Variants in UBE2J2 observed in about 807,000 individuals in gnomAD.
The protein encoded by UBE2J2 is ubiquitin conjugating enzyme E2 J2.
UBE2J2 carries 5 observed loss-of-function variants against 28.6 expected under a neutral mutation model. That is an observed-to-expected ratio of 0.17 (90% CI 0.09 to 0.37). The LOEUF (loss-of-function observed/expected upper bound fraction) is 0.37. UBE2J2 is among the 10% of genes least tolerant of loss of function. The pLI, the probability that UBE2J2 is intolerant of heterozygous loss-of-function variation, is 1.00. For missense variants in UBE2J2, 226 were observed against 338.9 expected, an observed-to-expected ratio of 0.67 and a Z score of 2.62; for synonymous variants, 138 against 139.7, an observed-to-expected ratio of 0.99 and a Z score of 0.09.
intron 2 of UBE2J2, among the ~76,000 whole-genome samples, chr1:1,264,084 A>C (rs555322392): frequency 2.0e-5 from 3 of 152,282 alleles, no homozygotes; most frequent in Admixed American, 6.5e-5. Context: ...TAAACAGAAC[A>C]CAGCTAGTGA....
Position 1,255,330 on chromosome 1 carries a change from C to A in UBE2J2, c.653G>T (p.Gly218Val). 1 of 1,613,742 alleles carries A rather than the reference C, an allele frequency of 6.2e-7. No homozygotes were observed. Among genetic ancestry groups the A allele is most frequent in the Non-Finnish European group, 8.5e-7 (1 of 1,180,022 alleles). ...HAPGAVPNLA[G>V]LQQANRHHGL... is the part of the protein sequence containing the mutation. ...GTGGTGCCGGTTGGCCTGCTGGAGC[C>A]CTGCGAGGTTTGGGACGGCCCCCGG... The change falls in exon 7 of 7, where the codon GGG becomes GTG. Residue 218 changes from glycine (G) to valine (V), a missense_variant. This residue lies in a region of UBE2J2 where 133 missense variants were observed against 161.5 expected (regional missense o/e 0.82). Coordinates refer to ENST00000349431, the MANE Select transcript of UBE2J2 (RefSeq NM_058167.3).
In UBE2J2 at chr1:1,255,329, C is replaced by T. The variant is rs369723239; in HGVS notation, c.654G>A (p.Gly218=). ...CGTGGTGCCGGTTGGCCTGCTGGAG[C>T]CCTGCGAGGTTTGGGACGGCCCCCG... ...HAPGAVPNLA[G]LQQANRHHGL... is the part of the protein sequence containing the mutation. The change falls in exon 7 of 7, where the codon GGG becomes GGA. Residue 218 remains glycine, a synonymous_variant. Coordinates refer to ENST00000349431, the MANE Select transcript of UBE2J2 (RefSeq NM_058167.3). 4.9e-5 allele frequency: 79 copies of T among 1,613,630 alleles called. No homozygotes were observed. Among genetic ancestry groups the T allele is most frequent in the Non-Finnish European group, 6.6e-5 (78 of 1,180,022 alleles).
chr1:1,259,473 C>A (rs1262805957), intron 3 of UBE2J2, among the ~76,000 whole-genome samples: 2 of 152,226 alleles, frequency 1.3e-5, no homozygotes, highest in African/African-American at 4.8e-5. Flanking sequence ...CAAATCGCCA[C>A]GGGCTCTTCT....
chr1:1,266,996 C>T (rs1182673711), intron 2 of UBE2J2, among the ~76,000 whole-genome samples: 1 of 151,942 alleles, frequency 6.6e-6, no homozygotes. Flanking sequence ...TCAAGCGATT[C>T]TCCTGCCTCG....
rs556535134 is a variant in UBE2J2 at position 1,271,494 on chromosome 1, A to G, written c.-1+2172T>C. On this transcript the variant is annotated intron_variant, in intron 1 of 6. Transcript: ENST00000349431. ...GATTCCATCCAATGAGTCACAAACAAGCTTCTCTCCCATACCTGCTTGGAG... is the reference window on the plus strand; with the variant it reads ...GATTCCATCCAATGAGTCACAAACAGGCTTCTCTCCCATACCTGCTTGGAG... 2.6e-5 allele frequency: 4 copies of G among 152,330 alleles called. No homozygotes were observed. The East Asian group carries it at 7.7e-4, about 29-fold the overall frequency. The allele number at this position is 152,330 out of a possible 1,614,324, so 9.4% of individuals were successfully genotyped here. A position where few individuals can be genotyped will look rare whatever the true frequency, so the allele number is the denominator to read the frequency against.
At chr1:1,259,000 T>A (rs1639380211) in intron 3 of UBE2J2, among the ~76,000 whole-genome samples, 1 of 152,244 alleles carries the variant, frequency 6.6e-6, no homozygotes, top group South Asian at 2.1e-4. Context: ...TGTGTGTGCA[T>A]GCCATCAGGA....
intron 1 of UBE2J2, among the ~76,000 whole-genome samples, chr1:1,270,068 G>A (rs894048777): frequency 6.6e-6 from 1 of 152,138 alleles, no homozygotes; most frequent in East Asian, 1.9e-4. Context: ...AGTGTTCCCT[G>A]CTCTTGCCCG....
chr1:1,271,962 G>A (rs768619858), intron 1 of UBE2J2, among the ~76,000 whole-genome samples: 22 of 92,394 alleles, frequency 2.4e-4, no homozygotes, highest in African/African-American at 6.3e-4. Context: ...CAACAAGAGC[G>A]AAACTCCGTC....
At chr1:1,270,754 C>T (rs1166401830) in intron 1 of UBE2J2, among the ~76,000 whole-genome samples, 2 of 152,192 alleles carry the variant, frequency 1.3e-5, no homozygotes, top group Non-Finnish European at 2.9e-5. Context: ...GGATACTCCA[C>T]AGCCAAGCAA....
chr1:1,266,262 TC>T, intron 2 of UBE2J2: 1 of 945,870 alleles, frequency 1.1e-6, no homozygotes, highest in Non-Finnish European at 1.4e-6. Context: ...GAAACACATT[TC>T]CTTTCAACTC....
chr1:1,257,344 T>G, intron 3 of UBE2J2, 34 bp from the exon 4 acceptor site: 1 of 1,298,880 alleles, frequency 7.7e-7, no homozygotes, highest in Non-Finnish European at 1.1e-6. Flanking sequence ...GGCCTTGTCG[T>G]CCGCCACAGC....
intron 5 of UBE2J2, among the ~76,000 whole-genome samples, chr1:1,256,600 C>G (rs535030073): frequency 6.6e-6 from 1 of 152,216 alleles, no homozygotes; most frequent in East Asian, 1.9e-4. Context: ...AAGGCAGCTG[C>G]GGCCGGGCGC....
chr1:1,260,903 T>C (rs915008768), intron 3 of UBE2J2, among the ~76,000 whole-genome samples: 16 of 152,226 alleles, frequency 1.1e-4, no homozygotes, highest in African/African-American at 3.4e-4. Context: ...ACAGATTCAC[T>C]CAAGGGGAAT....
chr1:1,273,221 T>C (rs1367355188), intron 1 of UBE2J2: 1 of 151,920 alleles, frequency 6.6e-6, no homozygotes, highest in East Asian at 1.9e-4. Flanking sequence ...ACCGCCCGGG[T>C]TTCCCAGAAA....
Sources: allele counts gnomAD v4.1 joint callset (sites outside exome capture counted in the v4.1 genomes callset), GRCh38; gene constraint gnomAD v4.1.1; regional missense constraint gnomAD v4.1.1; transcripts MANE v1.5; gene names NCBI Gene and HGNC (gene_info 2026-07-23, HGNC 2026-07-21).